Variants in KCNH1 observed in about 807,000 individuals in gnomAD.
KCNH1 encodes the protein potassium voltage-gated channel subfamily H member 1, also known as voltage-gated delayed rectifier potassium channel KCNH1.
In KCNH1, 27 loss-of-function variants were observed where a neutral mutation model predicts 69.2. The observed-to-expected ratio is 0.39, with a 90% CI of 0.29 to 0.54. The LOEUF (loss-of-function observed/expected upper bound fraction) is 0.54, where lower values mean the gene tolerates loss of function less well. Ranked by LOEUF, KCNH1 falls within the 20% of genes least tolerant of loss-of-function variation. The pLI is 0.68. For missense variants in KCNH1, 798 were observed against 1,261.6 expected, an observed-to-expected ratio of 0.63 and a Z score of 5.57; for synonymous variants, 456 against 487.7, an observed-to-expected ratio of 0.93 and a Z score of 0.86.
chr1:211,000,953 T>A (rs1036481275), intron 6 of KCNH1, among the ~76,000 whole-genome samples: 1 of 152,048 alleles, frequency 6.6e-6, no homozygotes, highest in African/African-American at 2.4e-5. Context: ...GAAAACTGGC[T>A]AGCCATATGT....
At chr1:210,782,656 G>A (rs1684010215) in intron 9 of KCNH1, among the ~76,000 whole-genome samples, 1 of 152,106 alleles carries the variant, frequency 6.6e-6, no homozygotes, top group East Asian at 1.9e-4. Context: ...GACCTAGGGG[G>A]CAGAGGTTGC....
At chr1:210,830,908 T>C (rs1685147961) in intron 7 of KCNH1, among the ~76,000 whole-genome samples, 1 of 152,222 alleles carries the variant, frequency 6.6e-6, no homozygotes, top group South Asian at 2.1e-4. Context: ...TTGAGGTTCT[T>C]ATACAGGGCA....
intron 6 of KCNH1, among the ~76,000 whole-genome samples, chr1:210,982,318 G>C (rs1050288300): frequency 6.6e-6 from 1 of 151,888 alleles, no homozygotes; most frequent in East Asian, 1.9e-4. Flanking sequence ...TGTGCACAAC[G>C]TGCAGGTTTG....
At chr1:210,796,065 G>A (rs1409013425) in intron 9 of KCNH1, among the ~76,000 whole-genome samples, 1 of 150,984 alleles carries the variant, frequency 6.6e-6, no homozygotes, top group Non-Finnish European at 1.5e-5. Context: ...TGAGGCAGGA[G>A]AATGGCGTGA....
At chr1:210,870,489 A>C (rs1438143448) in intron 7 of KCNH1, among the ~76,000 whole-genome samples, 2 of 152,218 alleles carry the variant, frequency 1.3e-5, no homozygotes, top group African/African-American at 4.8e-5. Context: ...TACTGTGAGC[A>C]GTGTCACCCA....
chr1:211,005,392 T>G (rs1327368787), intron 6 of KCNH1, among the ~76,000 whole-genome samples: 1 of 152,140 alleles, frequency 6.6e-6, no homozygotes, highest in Admixed American at 6.5e-5. Context: ...TAACACAATG[T>G]GATATTGGTG....
chr1:211,057,769 A>T (rs774392501), intron 5 of KCNH1, among the ~76,000 whole-genome samples: 1 of 152,176 alleles, frequency 6.6e-6, no homozygotes, highest in East Asian at 1.9e-4. Flanking sequence ...TAAAGAGGAG[A>T]TGGGACGACA....
chr1:210,773,516 T>C (rs1263696624), intron 10 of KCNH1, among the ~76,000 whole-genome samples: 1 of 152,220 alleles, frequency 6.6e-6, no homozygotes, highest in African/African-American at 2.4e-5. Context: ...GGAGGAATAT[T>C]GCTGGGGTAG....
At chr1:210,913,277 C>T (rs1322751011) in intron 7 of KCNH1, among the ~76,000 whole-genome samples, 1 of 151,998 alleles carries the variant, frequency 6.6e-6, no homozygotes, top group African/African-American at 2.4e-5. Flanking sequence ...TGAACACTGC[C>T]CCATTCCCAA....
chr1:211,033,651 A>C (rs1472416081), intron 5 of KCNH1, among the ~76,000 whole-genome samples: 1 of 152,160 alleles, frequency 6.6e-6, no homozygotes, highest in African/African-American at 2.4e-5. Context: ...ATTCTCAACA[A>C]ACTATGGCAA....
chr1:210,866,974 C>T (rs984291317), intron 7 of KCNH1, among the ~76,000 whole-genome samples: 4 of 151,852 alleles, frequency 2.6e-5, no homozygotes, highest in African/African-American at 9.7e-5. Flanking sequence ...AATATTAGAA[C>T]CTTGAAAATG....
chr1:210,733,020 C>A (rs1682781836), intron 10 of KCNH1, among the ~76,000 whole-genome samples: 1 of 152,152 alleles, frequency 6.6e-6, no homozygotes, highest in South Asian at 2.1e-4. Context: ...CTCTCAGATA[C>A]CCTCTGGCAA....
At chr1:210,878,144 C>A (rs1686420277) in intron 7 of KCNH1, among the ~76,000 whole-genome samples, 1 of 151,974 alleles carries the variant, frequency 6.6e-6, no homozygotes, top group Non-Finnish European at 1.5e-5. Context: ...AATAAGTATG[C>A]ACCCAAAAAC....
At chr1:211,085,491 A>C (rs867602743) in intron 4 of KCNH1, among the ~76,000 whole-genome samples, 2 of 152,108 alleles carry the variant, frequency 1.3e-5, no homozygotes, top group South Asian at 4.2e-4. Context: ...AGAAAAAAAA[A>C]AAAAAGACTG....
At chr1:210,949,166 TC>T (rs1343719694) in intron 6 of KCNH1, among the ~76,000 whole-genome samples, 1 of 152,026 alleles carries the variant, frequency 6.6e-6, no homozygotes, top group Non-Finnish European at 1.5e-5. Context: ...TACCATGAAC[TC>T]CCCAAGGACT....
intron 5 of KCNH1, among the ~76,000 whole-genome samples, chr1:211,062,359 C>T (rs1362792780): frequency 6.6e-6 from 1 of 152,080 alleles, no homozygotes; most frequent in Non-Finnish European, 1.5e-5. Flanking sequence ...AACTATGAAA[C>T]CACTAAAAGA....
chr1:211,014,933 A>T (rs1571579724), intron 6 of KCNH1, among the ~76,000 whole-genome samples: 1 of 152,224 alleles, frequency 6.6e-6, no homozygotes, highest in Non-Finnish European at 1.5e-5. Context: ...AGAATTCTCC[A>T]ACCCAGGGGG....
At position 210,710,519 on chromosome 1, in the gene KCNH1, C is replaced by A. The variant is rs181881731; in HGVS notation, c.2113-26381G>T. Among the ~76,000 whole-genome samples the A allele has an allele frequency of 6.7e-3, 1,019 of 152,170 alleles. 9 individuals are homozygous for A. Among genetic ancestry groups the A allele is most frequent in the Middle Eastern group, 0.031 (9 of 294 alleles). On this transcript the variant is annotated intron_variant, in intron 10 of 10. Coordinates refer to ENST00000271751, the MANE Select transcript of KCNH1 (RefSeq NM_172362.3). ...AATATAAATAAAATTAAGTGTGCTA[C>A]AATGTAACAATGGCTATGATATCAC...
At chr1:211,052,287 T>C (rs1396498670) in intron 5 of KCNH1, among the ~76,000 whole-genome samples, 1 of 152,252 alleles carries the variant, frequency 6.6e-6, no homozygotes, top group African/African-American at 2.4e-5. Flanking sequence ...GGCCATGCAC[T>C]GGTTCGGCCA....
Sources: allele counts gnomAD v4.1 joint callset (sites outside exome capture counted in the v4.1 genomes callset), GRCh38; gene constraint gnomAD v4.1.1; transcripts MANE v1.5; gene names NCBI Gene and HGNC (gene_info 2026-07-23, HGNC 2026-07-21).